The following ABTB2 variants were observed in gnomAD, a reference collection of about 807,000 sequenced individuals.
ABTB2 encodes the protein ankyrin repeat and BTB/POZ domain-containing protein 2.
A neutral mutation model predicts 104.1 loss-of-function variants in ABTB2; 56 were observed. The observed-to-expected ratio is 0.54, with a 90% CI of 0.43 to 0.67. ABTB2 has a LOEUF of 0.67. Ranked by LOEUF, ABTB2 falls within the 30% of genes least tolerant of loss-of-function variation. The probability of loss-of-function intolerance (pLI) is 0.00; values close to 1 mark genes in which losing one functional copy is unlikely to be tolerated. For missense variants in ABTB2, 1,279 were observed against 1,407.7 expected (o/e 0.91, Z 1.46); for synonymous variants, 606 against 608.2 (o/e 1.00, Z 0.05).
At chr11:34,327,562 G>C (rs983139003) in intron 1 of ABTB2, among the ~76,000 whole-genome samples, 1 of 152,146 alleles carries the variant, frequency 6.6e-6, no homozygotes, top group East Asian at 1.9e-4. Flanking sequence ...AACCCCAAAA[G>C]TGACAGGAGT....
chr11:34,154,038 G>A lies in ABTB2; in HGVS notation c.2880+227C>T, dbSNP rs147949227. Among the ~76,000 whole-genome samples, 128 of 152,268 alleles carry A rather than the reference G, an allele frequency of 8.4e-4. No homozygotes were observed. Among genetic ancestry groups the A allele is most frequent in the African/African-American group, 3.0e-3 (126 of 41,532 alleles). ...GCAGAGCTGGAATGTGAACTAGGGT[G>A]CAGCTGGCTCAAAAGCTCACCTCCC... On this transcript the variant is annotated intron_variant, in intron 16 of 16. Transcript: ENST00000435224. The surrounding 1 kb of genome is among the most constrained non-coding windows in gnomAD (Gnocchi z 4.9).
intron 1 of ABTB2, among the ~76,000 whole-genome samples, chr11:34,250,914 A>G (rs995407124): frequency 1.2e-4 from 18 of 152,338 alleles, no homozygotes; most frequent in African/African-American, 4.1e-4. Flanking sequence ...ACCGAGGTTC[A>G]GAGAGGTTAA....
chr11:34,203,397 G>A (rs1189407934), intron 2 of ABTB2, among the ~76,000 whole-genome samples: 2 of 152,220 alleles, frequency 1.3e-5, no homozygotes, highest in East Asian at 1.9e-4. Context: ...ACCAGGGGCT[G>A]TGTCCCTTAC....
At chr11:34,152,659 C>A in intron 16 of ABTB2, 75 bp from the exon 17 acceptor site, 1 of 1,417,090 alleles carries the variant, frequency 7.1e-7, no homozygotes, top group South Asian at 1.3e-5. Context: ...CCAAATACTA[C>A]CTACCCATGG....
intron 1 of ABTB2, among the ~76,000 whole-genome samples, chr11:34,305,889 CA>C (rs1419984098): frequency 6.6e-6 from 1 of 152,302 alleles, no homozygotes; most frequent in East Asian, 1.9e-4. Context: ...TCTTCTATAT[CA>C]CATTGCCATT....
intron 14 of ABTB2, among the ~76,000 whole-genome samples, chr11:34,156,523 C>CTTT (rs397764001): frequency 1.4e-5 from 2 of 142,410 alleles, no homozygotes; most frequent in Non-Finnish European, 3.1e-5. Context: ...TGCTCAGTAA[C>CTTT]TTTTTTTTTT....
chr11:34,186,578 T>C (rs1853102165), intron 3 of ABTB2, among the ~76,000 whole-genome samples: 1 of 152,204 alleles, frequency 6.6e-6, no homozygotes. Context: ...TCCAAATGAA[T>C]GAAGCTCCTC....
intron 1 of ABTB2, among the ~76,000 whole-genome samples, chr11:34,226,891 C>T (rs1388791296): frequency 2.0e-5 from 3 of 151,808 alleles, no homozygotes; most frequent in Non-Finnish European, 4.4e-5. Flanking sequence ...CATGGCAAAA[C>T]CCCATCTCTA....
At chr11:34,270,199 C>G (rs1854297225) in intron 1 of ABTB2, among the ~76,000 whole-genome samples, 1 of 152,196 alleles carries the variant, frequency 6.6e-6, no homozygotes, top group Non-Finnish European at 1.5e-5. Context: ...CCTCTAGAAT[C>G]CTAGCTCCCC....
At chr11:34,212,923 G>A (rs1048692147) in intron 1 of ABTB2, among the ~76,000 whole-genome samples, 1 of 152,132 alleles carries the variant, frequency 6.6e-6, no homozygotes, top group Admixed American at 6.5e-5. Context: ...AGAACCCAGG[G>A]GGAGATAAAA....
intron 1 of ABTB2, among the ~76,000 whole-genome samples, chr11:34,219,444 G>A (rs1853588649): frequency 6.6e-6 from 1 of 152,038 alleles, no homozygotes; most frequent in Non-Finnish European, 1.5e-5. Context: ...GTGGGAGGCT[G>A]AGGAGGGAGG....
intron 1 of ABTB2, among the ~76,000 whole-genome samples, chr11:34,301,676 A>G (rs926902439): frequency 6.6e-6 from 1 of 152,232 alleles, no homozygotes; most frequent in African/African-American, 2.4e-5. Context: ...GAGGCTTAAC[A>G]TAATAAAACA....
chr11:34,251,933 G>A (rs186305287), intron 1 of ABTB2, among the ~76,000 whole-genome samples: 1 of 152,310 alleles, frequency 6.6e-6, no homozygotes, highest in East Asian at 1.9e-4. Flanking sequence ...TCTGCAGCCA[G>A]TGGAGGAGAC....
At position 34,263,697 on chromosome 11, in the gene ABTB2, T is replaced by C. The variant is rs571935529; in HGVS notation, c.884-59007A>G. Among the ~76,000 whole-genome samples, 39 of 152,258 alleles carry C rather than the reference T, an allele frequency of 2.6e-4. 1 individual carries two copies. Among genetic ancestry groups the C allele is most frequent in the African/African-American group, 8.9e-4 (37 of 41,548 alleles). ...CCAGGGACTCATTCCCTAGGCATGTTGTAGGCACCCTCTGGGGACAGAGCT... is the reference window on the plus strand; with the variant it reads ...CCAGGGACTCATTCCCTAGGCATGTCGTAGGCACCCTCTGGGGACAGAGCT... On this transcript the variant is annotated intron_variant, in intron 1 of 16. Transcript: ENST00000435224.
At chr11:34,271,783 A>ATACATAC (rs1854317552) in intron 1 of ABTB2, among the ~76,000 whole-genome samples, 1 of 147,426 alleles carries the variant, frequency 6.8e-6, no homozygotes, top group Non-Finnish European at 1.5e-5. Context: ...ACATACATAC[A>ATACATAC]ACTTGCCTTT....
chr11:34,173,563 T>G (rs1413697479), intron 3 of ABTB2, among the ~76,000 whole-genome samples: 1 of 152,134 alleles, frequency 6.6e-6, no homozygotes, highest in Non-Finnish European at 1.5e-5. Context: ...GGACCTGCTC[T>G]TTCTGCTCAC....
At chr11:34,249,052 C>T (rs1359748824) in intron 1 of ABTB2, among the ~76,000 whole-genome samples, 2 of 152,240 alleles carry the variant, frequency 1.3e-5, no homozygotes. Context: ...TCGCTTGAAC[C>T]AGGGAGGCAG....
chr11:34,230,921 T>C (rs915120561), intron 1 of ABTB2, among the ~76,000 whole-genome samples: 4 of 152,222 alleles, frequency 2.6e-5, no homozygotes, highest in African/African-American at 9.6e-5. Context: ...TTGTTGCCTA[T>C]GCTGGTCTTG....
chr11:34,217,033 C>T (rs375797115), intron 1 of ABTB2, among the ~76,000 whole-genome samples: 85 of 152,292 alleles, frequency 5.6e-4, no homozygotes, highest in African/African-American at 2.0e-3. Context: ...CACGAGCCAC[C>T]CCTTAATTTG....
Sources: allele counts gnomAD v4.1 joint callset (sites outside exome capture counted in the v4.1 genomes callset), GRCh38; gene constraint gnomAD v4.1.1; non-coding constraint Gnocchi (gnomAD v3.1); transcripts MANE v1.5; gene names NCBI Gene and HGNC (gene_info 2026-07-23, HGNC 2026-07-21).